The following ZNF740 variants were observed in gnomAD, a reference collection of about 807,000 sequenced individuals.
ZNF740 encodes zinc finger protein 740.
A neutral mutation model predicts 24.8 loss-of-function variants in ZNF740; 14 were observed. That is an observed-to-expected ratio of 0.56 (90% CI 0.37 to 0.88). The LOEUF (loss-of-function observed/expected upper bound fraction) is 0.88, where lower values mean the gene tolerates loss of function less well. Among genes scored for constraint, ZNF740 ranks in the 40% least tolerant of loss-of-function variants. The probability of loss-of-function intolerance (pLI) is 0.00; values close to 1 mark genes in which losing one functional copy is unlikely to be tolerated. For synonymous variants in ZNF740, 69 were observed against 84.0 expected (o/e 0.82, Z 0.98); for missense variants, 201 against 247.9 (o/e 0.81, Z 1.27).
In ZNF740 at chr12:53,189,913, G is replaced by A. The variant is rs1035987843; in HGVS notation, c.*2323G>A. The A allele has an allele frequency of 2.0e-5, 3 of 152,118 alleles. No homozygotes were observed. The highest frequency in any genetic ancestry group is 1.9e-4 in the East Asian group (1 of 5,190). 9.4% of individuals were successfully genotyped at this position (152,118 alleles called of 1,614,324 possible). A position where few individuals can be genotyped will look rare whatever the true frequency, so the allele number is the denominator to read the frequency against. Reference sequence around the variant, plus strand: ...TAGTCTCTTTGGGATAGGGGTGTATGTGGAGAGATTCATGTAAGTCTCACA... The same window carrying A: ...TAGTCTCTTTGGGATAGGGGTGTATATGGAGAGATTCATGTAAGTCTCACA... On this transcript the variant is annotated 3_prime_UTR_variant, in exon 7 of 7. Transcript: ENST00000416904.
intron 2 of ZNF740, among the ~76,000 whole-genome samples, chr12:53,182,472 C>T (rs1425882649): frequency 6.6e-6 from 1 of 151,958 alleles, no homozygotes; most frequent in African/African-American, 2.4e-5. Flanking sequence ...ATTCACAATG[C>T]CTTGTATAGT....
At position 53,193,740 on chromosome 12, in the gene ZNF740, A is replaced by C; in HGVS notation, c.*6150A>C. ...CACCACATTGTAGGTGTCCCTGGCC[A>C]TCACTGCAGTGGGGAGCCTGGGGCT... On this transcript the variant is annotated 3_prime_UTR_variant, in exon 7 of 7. Coordinates refer to ENST00000416904, the MANE Select transcript of ZNF740 (RefSeq NM_001004304.4). 6.2e-7 allele frequency: 1 copy of C among 1,613,808 alleles called. No homozygotes were observed. Among genetic ancestry groups the C allele is most frequent in the Non-Finnish European group, 8.5e-7 (1 of 1,179,868 alleles).
Position 53,191,658 on chromosome 12 carries a change from T to A in ZNF740, c.*4068T>A, listed in dbSNP as rs748971455. The A allele has an allele frequency of 6.8e-5, 109 of 1,604,946 alleles. No individual in the cohort carries two copies. The Middle Eastern group carries it at 1.5e-3, about 22-fold the overall frequency. ...TGTCCTGGAGAAAGATGTTGCAGAT[T>A]ATAAGCAAAAATCCCAGGATTCCTC... On this transcript the variant is annotated 3_prime_UTR_variant, in exon 7 of 7. Transcript: ENST00000416904.
In ZNF740 at chr12:53,193,057, C is replaced by G. The variant is rs866968031; in HGVS notation, c.*5467C>G. ...TACACCGGAATCTTTTGATATTTGC[C>G]TTCCATGCCAGGAGATTCCCAGAGC... On this transcript the variant is annotated 3_prime_UTR_variant, in exon 7 of 7. Coordinates refer to ENST00000416904, the MANE Select transcript of ZNF740 (RefSeq NM_001004304.4). 2 of 1,417,398 alleles carry G rather than the reference C, an allele frequency of 1.4e-6. No homozygotes were observed. The highest frequency in any genetic ancestry group is 3.6e-4 in the Middle Eastern group (2 of 5,528). The allele number at this position is 1,417,398 out of a possible 1,614,324, so 87.8% of individuals were successfully genotyped here.
chr12:53,189,111 G>C lies in ZNF740; in HGVS notation c.*1521G>C, dbSNP rs1941880789. The C allele has an allele frequency of 6.6e-6, 1 of 151,866 alleles. No homozygotes were observed. The highest frequency in any genetic ancestry group is 2.4e-5 in the African/African-American group (1 of 41,344). The allele number at this position is 151,866 out of a possible 1,614,324, so 9.4% of individuals were successfully genotyped here. On this transcript the variant is annotated 3_prime_UTR_variant, in exon 7 of 7. Transcript: ENST00000416904. Reference sequence around the variant, plus strand: ...GAACAGAAGGGCTTTTGTTTTGGAGGGTTTTTTTTTTTAAGATGAATTCAA... The same window carrying C: ...GAACAGAAGGGCTTTTGTTTTGGAGCGTTTTTTTTTTTAAGATGAATTCAA...
intron 3 of ZNF740, 143 bp from the exon 4 acceptor site, chr12:53,185,244 G>C (rs760858259): frequency 3.5e-6 from 4 of 1,139,926 alleles, no homozygotes; most frequent in Non-Finnish European, 5.0e-6. Flanking sequence ...CCAGGTGCTT[G>C]GAGAGGAAAT....
rs536160606 is a variant in ZNF740, at chr12:53,192,976, C to T, written c.*5386C>T. On this transcript the variant is annotated 3_prime_UTR_variant, in exon 7 of 7. Transcript: ENST00000416904. The stretch of plus-strand genomic sequence containing the variant: ...ACACACAGTTGGCCATCATGTGGCA[C>T]GACAAGCCCACGCATCCAATCTTTT... 85 of 1,513,800 alleles carry T rather than the reference C, an allele frequency of 5.6e-5. No homozygotes were observed. The African/African-American group carries it at 8.8e-4, about 16-fold the overall frequency. The allele number at this position is 1,513,800 out of a possible 1,614,324, so 93.8% of individuals were successfully genotyped here.
Position 53,194,613 on chromosome 12 carries a change from A to G in ZNF740, c.*7023A>G, listed in dbSNP as rs1379376545. The stretch of plus-strand genomic sequence containing the variant: ...GGGTCACAGGCTGGCCAGGTGCTGT[A>G]AATGTACAGAGACCATGTTTGTGAA... On this transcript the variant is annotated 3_prime_UTR_variant, in exon 7 of 7. Transcript: ENST00000416904. 2 of 397,442 alleles carry G rather than the reference A, an allele frequency of 5.0e-6. No homozygotes were observed. The highest frequency in any genetic ancestry group is 9.4e-6 in the Non-Finnish European group (2 of 212,254). The allele number at this position is 397,442 out of a possible 1,614,324, so 24.6% of individuals were successfully genotyped here.
chr12:53,182,094 C>A, intron 2 of ZNF740, 102 bp downstream of exon 2: 1 of 1,496,216 alleles, frequency 6.7e-7, no homozygotes, highest in Non-Finnish European at 9.1e-7. Flanking sequence ...CCCCAGTGAT[C>A]CAAGCTCTGT....
chr12:53,191,135 A>G lies in ZNF740; in HGVS notation c.*3545A>G, dbSNP rs17124249. ...CTGCATCCGCAGCACTTGAGAATTC[A>G]TAGGCCCTTTCCAGACCTGGCTTCC... On this transcript the variant is annotated 3_prime_UTR_variant, in exon 7 of 7. Transcript: ENST00000416904. 4,595 of 231,718 alleles carry G rather than the reference A, an allele frequency of 0.02. 203 individuals are homozygous for G. The highest frequency in any genetic ancestry group is 0.096 in the African/African-American group (4,325 of 44,938). The allele number at this position is 231,718 out of a possible 1,614,324, so 14.4% of individuals were successfully genotyped here. A position where few individuals can be genotyped will look rare whatever the true frequency, so the allele number is the denominator to read the frequency against.
At position 53,181,840 on chromosome 12, in the gene ZNF740, A is replaced by G; in HGVS notation, c.-144A>G. On this transcript the variant is annotated 5_prime_UTR_variant, in exon 2 of 7. Transcript: ENST00000416904. ...GGACACTAAGTTCTATTTGAAGACA[A>G]AGTTCAATATGGCAACAGGACTGAT... 1 of 1,045,904 alleles carries G rather than the reference A, an allele frequency of 9.6e-7. No homozygotes were observed. Among genetic ancestry groups the G allele is most frequent in the Non-Finnish European group, 1.4e-6 (1 of 717,686 alleles). 64.8% of individuals were successfully genotyped at this position (1,045,904 alleles called of 1,614,324 possible).
rs993244573 is a variant in ZNF740, at chr12:53,180,806, C to T, written c.-339C>T. 25 of 1,271,886 alleles carry T rather than the reference C, an allele frequency of 2.0e-5. No homozygotes were observed. The African/African-American group carries it at 3.3e-4, about 17-fold the overall frequency. 78.8% of individuals were successfully genotyped at this position (1,271,886 alleles called of 1,614,324 possible). Reference sequence around the variant, plus strand: ...GGGGCCTGGAGGAGGCGCCGCGCGGCCAGGGAGCCAGCGGGAGGCCGCGCC... The same window carrying T: ...GGGGCCTGGAGGAGGCGCCGCGCGGTCAGGGAGCCAGCGGGAGGCCGCGCC... On this transcript the variant is annotated 5_prime_UTR_variant, in exon 1 of 7. Transcript: ENST00000416904.
intron 2 of ZNF740, among the ~76,000 whole-genome samples, chr12:53,184,176 G>GGTGTGTGTGTGT (rs143795685): frequency 1.6e-5 from 2 of 128,072 alleles, no homozygotes; most frequent in African/African-American, 3.2e-5. Context: ...GAAGCTAAGG[G>GGTGTGTGTGTGT]GTGTGTGTGT....
Position 53,185,987 on chromosome 12 carries a change from G to A in ZNF740, c.283G>A (p.Val95Ile). 2 of 1,613,800 alleles carry A rather than the reference G, an allele frequency of 1.2e-6. No individual in the cohort carries two copies. Among genetic ancestry groups the A allele is most frequent in the South Asian group, 2.2e-5 (2 of 91,036 alleles). ...VVVEQNGSFQVKIPKNFVCEH... is the reference protein window; with the variant it reads ...VVVEQNGSFQIKIPKNFVCEH... ...AGTGGAACAAAATGGTTCTTTTCAAGTAAAGATTCCCAAAAATTTTGTTTG... is the reference window on the plus strand; with the variant it reads ...AGTGGAACAAAATGGTTCTTTTCAAATAAAGATTCCCAAAAATTTTGTTTG... Residue 95 changes from valine to isoleucine, a missense_variant, in exon 5 of 7, where the codon GTA becomes ATA. By Grantham distance (29) the Val-to-Ile change is conservative. Transcript: ENST00000416904.
rs1013169022 is a variant in ZNF740, at chr12:53,194,943, C to T, written c.*7353C>T. ...TGTTTATGTACAGACTGACTGGGGA[C>T]AAATGCCAGCCCTTCTGTTTGTTAT... On this transcript the variant is annotated 3_prime_UTR_variant, in exon 7 of 7. Coordinates refer to ENST00000416904, the MANE Select transcript of ZNF740 (RefSeq NM_001004304.4). The T allele has an allele frequency of 2.1e-5, 4 of 188,786 alleles. No homozygotes were observed. The highest frequency in any genetic ancestry group is 9.3e-5 in the African/African-American group (4 of 42,876). 11.7% of individuals were successfully genotyped at this position (188,786 alleles called of 1,614,324 possible).
chr12:53,186,064 C>T lies in ZNF740; in HGVS notation c.360C>T (p.Ile120=). ...FRSSYHLKRH[I]LIHTGEKPFE... Reference sequence around the variant, plus strand: ...GCAGTTACCACCTAAAGAGGCACATCCTTATTCACACTGGTAAGTCTCTTG... The same window carrying T: ...GCAGTTACCACCTAAAGAGGCACATTCTTATTCACACTGGTAAGTCTCTTG... The change falls in exon 5 of 7, where the codon ATC becomes ATT. Residue 120 remains isoleucine (I), a synonymous_variant. Coordinates refer to ENST00000416904, the MANE Select transcript of ZNF740 (RefSeq NM_001004304.4). 6.2e-7 allele frequency: 1 copy of T among 1,613,256 alleles called. No homozygotes were observed. The highest frequency in any genetic ancestry group is 1.1e-5 in the South Asian group (1 of 91,060).
Position 53,187,685 on chromosome 12 carries a change from C to T in ZNF740, c.*95C>T. 2 of 992,980 alleles carry T rather than the reference C, an allele frequency of 2.0e-6. No individual in the cohort carries two copies. Among genetic ancestry groups the T allele is most frequent in the Admixed American group, 4.0e-5 (2 of 50,236 alleles). 61.5% of individuals were successfully genotyped at this position (992,980 alleles called of 1,614,324 possible). A position where few individuals can be genotyped will look rare whatever the true frequency, so the allele number is the denominator to read the frequency against. On this transcript the variant is annotated 3_prime_UTR_variant, in exon 7 of 7. Transcript: ENST00000416904. ...TGGTCCCACCACCGCCCCATGTGAA[C>T]CTGTCCCACTCCTGGAGGAGTGGAC... is the stretch of plus-strand genomic sequence containing the variant.
At chr12:53,186,237 G>A (rs1455727179) in intron 5 of ZNF740, among the ~76,000 whole-genome samples, 154 bp from the exon 6 acceptor site, 1 of 152,162 alleles carries the variant, frequency 6.6e-6, no homozygotes, top group Non-Finnish European at 1.5e-5. Context: ...TTTGTATCTG[G>A]TGTCACTGAG....
chr12:53,186,202 C>A, intron 5 of ZNF740, 125 bp downstream of exon 5: 2 of 1,334,862 alleles, frequency 1.5e-6, no homozygotes, highest in Non-Finnish European at 2.0e-6. Context: ...GAAGATAAGT[C>A]AATGAAGCAG....
Sources: gnomAD v4.1 joint callset for allele counts (sites outside exome capture counted in the v4.1 genomes callset) on GRCh38, gnomAD v4.1.1 for gene constraint, MANE v1.5 for transcripts, NCBI Gene and HGNC (gene_info 2026-07-23, HGNC 2026-07-21) for gene names.